The following TFG variants were observed in gnomAD, a reference collection of about 807,000 sequenced individuals.
TFG encodes the protein trafficking from ER to golgi regulator, also known as protein TFG.
In TFG, 22 loss-of-function variants were observed where a neutral mutation model predicts 51.4. The observed-to-expected ratio is 0.43, with a 90% confidence interval of 0.31 to 0.61. The LOEUF (loss-of-function observed/expected upper bound fraction) is 0.61, where lower values mean the gene tolerates loss of function less well. TFG is among the 20% of genes least tolerant of loss of function. The pLI, the probability that TFG is intolerant of heterozygous loss-of-function variation, is 0.12. For missense variants in TFG, 419 were observed against 487.7 expected (o/e 0.86, Z 1.33); for synonymous variants, 187 against 165.6 (o/e 1.13, Z -0.99).
chr3:100,716,294 A>G (rs1025250245), intron 2 of TFG, among the ~76,000 whole-genome samples: 48 of 152,176 alleles, frequency 3.2e-4, no homozygotes, highest in African/African-American at 1.1e-3. Flanking sequence ...TAGCTTCCAC[A>G]TATGAGAGAG....
rs75884251 is a variant in TFG at position 100,741,257 on chromosome 3, G to A, written c.722-3576G>A. Among the ~76,000 whole-genome samples the A allele has an allele frequency of 8.4e-3, 1,274 of 152,236 alleles. 23 individuals are homozygous for A. The highest frequency in any genetic ancestry group is 0.029 in the African/African-American group (1,224 of 41,546). ...GGCATTGTTATCATAGGAGATGAGA[G>A]CTCCATGGATGTTCTTGACCCTGAA... On this transcript the variant is annotated intron_variant, in intron 6 of 7. Transcript: ENST00000240851.
At chr3:100,737,947 T>C (rs2095111089) in intron 6 of TFG, among the ~76,000 whole-genome samples, 1 of 152,180 alleles carries the variant, frequency 6.6e-6, no homozygotes, top group African/African-American at 2.4e-5. Context: ...TAGTTCCAGC[T>C]ACTTGGGAAG....
intron 2 of TFG, among the ~76,000 whole-genome samples, chr3:100,718,429 A>T (rs2095052076): frequency 6.6e-6 from 1 of 151,870 alleles, no homozygotes; most frequent in Non-Finnish European, 1.5e-5. Context: ...ACCATTTTTC[A>T]TTCACAGACC....
At chr3:100,733,975 C>T (rs1189499443) in intron 5 of TFG, among the ~76,000 whole-genome samples, 1 of 151,344 alleles carries the variant, frequency 6.6e-6, no homozygotes. Flanking sequence ...TTGTTGGCTA[C>T]AAAGATCATT....
At chr3:100,731,081 G>A (rs2095090281) in intron 4 of TFG, among the ~76,000 whole-genome samples, 1 of 152,200 alleles carries the variant, frequency 6.6e-6, no homozygotes, top group Non-Finnish European at 1.5e-5. Flanking sequence ...AGTGTGTGCT[G>A]TGGGTACTTA....
At chr3:100,737,725 A>G (rs1182991746) in intron 6 of TFG, among the ~76,000 whole-genome samples, 1 of 152,192 alleles carries the variant, frequency 6.6e-6, no homozygotes, top group Non-Finnish European at 1.5e-5. Context: ...CACTTTTGGA[A>G]TAGAATCCTA....
chr3:100,727,374 G>A (rs1362552578), intron 3 of TFG, among the ~76,000 whole-genome samples: 1 of 150,632 alleles, frequency 6.6e-6, no homozygotes, highest in Non-Finnish European at 1.5e-5. Context: ...ATTACTGTGA[G>A]TTTTCTTCTA....
At chr3:100,747,432 GGTTTCATTGCAAGTAGCTGCAGGTGT>G (rs1380636713) in intron 7 of TFG, 1 of 152,296 alleles carries the variant, frequency 6.6e-6, no homozygotes, top group Admixed American at 6.6e-5. Flanking sequence ...TCAATGGAGA[GGTTTCATTGCAAGTAGCTGCAGGTGT>G]GTTTCATGGT....
At chr3:100,728,526 C>T (rs1049907991) in intron 3 of TFG, among the ~76,000 whole-genome samples, 186 bp from the exon 4 acceptor site, 3 of 151,140 alleles carry the variant, frequency 2.0e-5, no homozygotes, top group Non-Finnish European at 4.4e-5. Context: ...GATAATTCTG[C>T]TTTTTTTCCA....
intron 1 of TFG, chr3:100,711,022 C>T (rs2095029549): frequency 6.6e-6 from 1 of 152,056 alleles, no homozygotes; most frequent in Non-Finnish European, 1.5e-5. Flanking sequence ...GGTTCCTGGC[C>T]ACAAGATGTT....
chr3:100,736,430 A>G (rs2095106392), intron 5 of TFG, 146 bp from the exon 6 acceptor site: 1 of 799,560 alleles, frequency 1.3e-6, no homozygotes, highest in African/African-American at 1.7e-5. Context: ...AAAATAAAGT[A>G]CATACATTTA....
chr3:100,711,530 C>T (rs2095031322), intron 1 of TFG, among the ~76,000 whole-genome samples: 1 of 152,166 alleles, frequency 6.6e-6, no homozygotes, highest in Non-Finnish European at 1.5e-5. Context: ...TCACTTCTAG[C>T]TACATAAAGA....
intron 5 of TFG, among the ~76,000 whole-genome samples, chr3:100,734,435 C>G (rs924957427): frequency 1.3e-5 from 2 of 152,074 alleles, no homozygotes; most frequent in Non-Finnish European, 2.9e-5. Context: ...CCTTCACTTC[C>G]GGGATTTTCC....
chr3:100,734,169 GTTTTTAATTT>G (rs1227899989), intron 5 of TFG, among the ~76,000 whole-genome samples: 3 of 151,318 alleles, frequency 2.0e-5, no homozygotes, highest in African/African-American at 7.4e-5. Flanking sequence ...CCTTATCAGA[GTTTTTAATTT>G]TTTTTTAACA....
At chr3:100,728,654 T>C in intron 3 of TFG, 58 bp from the exon 4 acceptor site, 1 of 1,330,074 alleles carries the variant, frequency 7.5e-7, no homozygotes. Flanking sequence ...TGTTGCATAT[T>C]ATTAGTATAC....
In TFG at chr3:100,713,671, A is replaced by T; in HGVS notation, c.-15A>T. 6.3e-7 allele frequency: 1 copy of T among 1,577,728 alleles called. No individual in the cohort carries two copies. The highest frequency in any genetic ancestry group is 8.6e-7 in the Non-Finnish European group (1 of 1,157,730). On this transcript the variant is annotated 5_prime_UTR_variant, in exon 2 of 8. Coordinates refer to ENST00000240851, the MANE Select transcript of TFG (RefSeq NM_006070.6). ...TTCTCTAGAGTTGTATATATAGAAC[A>T]TCCTGGAGTCCACCATGAACGGACA...
intron 2 of TFG, among the ~76,000 whole-genome samples, chr3:100,715,254 C>G (rs1210272280): frequency 6.6e-6 from 1 of 152,198 alleles, no homozygotes; most frequent in Middle Eastern, 3.2e-3. Flanking sequence ...TTGAAAGAAG[C>G]TGTTACCTTC....
At position 100,727,836 on chromosome 3, in the gene TFG, AT is replaced by A. The variant is rs2095080093; in HGVS notation, c.269-870del. Among the ~76,000 whole-genome samples, 3 of 152,192 alleles carry A rather than the reference AT, an allele frequency of 2.0e-5. No individual in the cohort carries two copies. The South Asian group carries it at 6.2e-4, about 32-fold the overall frequency. ...TGCATATATTTTTAAATTTATATTT[AT>A]TTTTTAAAATTTTTTGAGACAAGGT... On this transcript the variant is annotated intron_variant, in intron 3 of 7. Transcript: ENST00000240851.
chr3:100,710,289 C>T (rs2095026758), intron 1 of TFG: 1 of 152,220 alleles, frequency 6.6e-6, no homozygotes, highest in African/African-American at 2.4e-5. Context: ...CTTTGCTGGA[C>T]ACTACAGTAA....
Sources: gnomAD v4.1 joint callset for allele counts (sites outside exome capture counted in the v4.1 genomes callset) on GRCh38, gnomAD v4.1.1 for gene constraint, MANE v1.5 for transcripts, NCBI Gene and HGNC (gene_info 2026-07-23, HGNC 2026-07-21) for gene names.